The following TCAIM variants were observed in gnomAD, a reference collection of about 807,000 sequenced individuals.
TCAIM encodes the protein T cell activation inhibitor, mitochondrial.
Under a neutral mutation model 58.6 loss-of-function variants are expected in TCAIM, and 36 were observed. That is an observed-to-expected ratio of 0.61 (90% CI 0.47 to 0.81). TCAIM has a LOEUF of 0.81. Ranked by LOEUF, TCAIM falls within the 30% of genes least tolerant of loss-of-function variation. The pLI, the probability that TCAIM is intolerant of heterozygous loss-of-function variation, is 0.00. For missense variants in TCAIM, 466 were observed against 579.6 expected (o/e 0.80, Z 2.01); for synonymous variants, 172 against 193.6 (o/e 0.89, Z 0.93).
At chr3:44,391,429 AT>A (rs1335478248) in intron 5 of TCAIM, 3 of 152,164 alleles carry the variant, frequency 2.0e-5, no homozygotes, top group African/African-American at 7.2e-5. Context: ...TGACCTCATG[AT>A]CCACCCACCT....
intron 8 of TCAIM, among the ~76,000 whole-genome samples, chr3:44,398,786 G>A (rs1246997542): frequency 6.6e-6 from 1 of 152,190 alleles, no homozygotes; most frequent in Non-Finnish European, 1.5e-5. Context: ...TTTCTTCAGT[G>A]TGTGAATAGC....
intron 6 of TCAIM, among the ~76,000 whole-genome samples, chr3:44,394,700 C>A (rs953851174): frequency 2.0e-5 from 3 of 150,544 alleles, no homozygotes; most frequent in Admixed American, 6.6e-5. Context: ...TTGAGACCAG[C>A]CTGACCAACA....
intron 3 of TCAIM, among the ~76,000 whole-genome samples, chr3:44,360,690 C>T (rs750465948): frequency 6.6e-6 from 1 of 151,656 alleles, no homozygotes; most frequent in African/African-American, 2.4e-5. Flanking sequence ...ACTGCAGCCT[C>T]GAACTCCTGG....
At chr3:44,341,340 G>A (rs1307288728) in intron 1 of TCAIM, 1 of 152,150 alleles carries the variant, frequency 6.6e-6, no homozygotes, top group Non-Finnish European at 1.5e-5. Context: ...TTATTTTGAA[G>A]AGAGAAATGC....
intron 1 of TCAIM, among the ~76,000 whole-genome samples, chr3:44,346,262 CT>C (rs1343255838): frequency 6.6e-6 from 1 of 152,110 alleles, no homozygotes; most frequent in Non-Finnish European, 1.5e-5. Context: ...GGTGATTTGA[CT>C]AGTAAAGGCT....
intron 1 of TCAIM, among the ~76,000 whole-genome samples, chr3:44,350,198 G>A (rs1033490854): frequency 7.2e-5 from 11 of 152,132 alleles, no homozygotes; most frequent in African/African-American, 2.2e-4. Flanking sequence ...ACAGTCAAAC[G>A]GGGTTGTTCT....
At chr3:44,401,152 G>A (rs1405759675) in intron 9 of TCAIM, 51 bp from the exon 10 acceptor site, 1 of 1,590,884 alleles carries the variant, frequency 6.3e-7, no homozygotes, top group Non-Finnish European at 8.6e-7. Context: ...TTCTCTGGTG[G>A]GGGAGAGGAG....
intron 1 of TCAIM, among the ~76,000 whole-genome samples, chr3:44,353,029 TCTC>T: frequency 6.6e-6 from 1 of 150,870 alleles, no homozygotes; most frequent in Non-Finnish European, 1.5e-5. Flanking sequence ...TTCAAGCAAT[TCTC>T]CTGCCTCAGC....
intron 3 of TCAIM, chr3:44,358,331 GA>G: frequency 2.5e-6 from 2 of 784,846 alleles, no homozygotes; most frequent in Non-Finnish European, 2.2e-6. Flanking sequence ...AAACTGATAT[GA>G]AAAATGACTT....
At chr3:44,370,286 C>T (rs1701443512) in intron 5 of TCAIM, among the ~76,000 whole-genome samples, 1 of 151,926 alleles carries the variant, frequency 6.6e-6, no homozygotes, top group Non-Finnish European at 1.5e-5. Context: ...ACGGTGAAAC[C>T]CCGTCTCTAC....
At chr3:44,344,752 AAG>A (rs908017929) in intron 1 of TCAIM, among the ~76,000 whole-genome samples, 28 of 152,032 alleles carry the variant, frequency 1.8e-4, no homozygotes, top group Admixed American at 1.4e-3. Flanking sequence ...TGAGTCCAAA[AAG>A]AGAGCAGAGG....
intron 1 of TCAIM, among the ~76,000 whole-genome samples, chr3:44,350,018 A>G (rs1273846028): frequency 6.6e-6 from 1 of 151,966 alleles, no homozygotes; most frequent in Admixed American, 6.5e-5. Context: ...TCCGAGTCAT[A>G]GCACCAAATG....
intron 1 of TCAIM, among the ~76,000 whole-genome samples, chr3:44,349,541 G>A (rs1701042117): frequency 6.6e-6 from 1 of 151,946 alleles, no homozygotes; most frequent in Non-Finnish European, 1.5e-5. Context: ...GGAGAGAGGG[G>A]GATACTTACC....
intron 5 of TCAIM, among the ~76,000 whole-genome samples, chr3:44,380,538 A>C (rs1432240488): frequency 6.6e-6 from 1 of 152,168 alleles, no homozygotes; most frequent in Non-Finnish European, 1.5e-5. Flanking sequence ...ACATTTAAAA[A>C]CCAAGAAAGA....
chr3:44,381,059 T>C (rs1203323077), intron 5 of TCAIM, among the ~76,000 whole-genome samples: 1 of 152,106 alleles, frequency 6.6e-6, no homozygotes, highest in African/African-American at 2.4e-5. Context: ...TTAACAGCAA[T>C]ACTTCTCAAA....
At chr3:44,368,850 C>A (rs1575254441) in intron 5 of TCAIM, among the ~76,000 whole-genome samples, 1 of 152,224 alleles carries the variant, frequency 6.6e-6, no homozygotes, top group East Asian at 1.9e-4. Context: ...TAGTGAGACC[C>A]ATCTCTACAA....
intron 2 of TCAIM, among the ~76,000 whole-genome samples, chr3:44,356,354 C>A (rs181130481): frequency 6.6e-6 from 1 of 152,200 alleles, no homozygotes; most frequent in East Asian, 1.9e-4. Flanking sequence ...TGGCGAAACA[C>A]CGTCTCTACT....
At chr3:44,398,746 A>G (rs1232391878) in intron 8 of TCAIM, among the ~76,000 whole-genome samples, 1 of 152,230 alleles carries the variant, frequency 6.6e-6, no homozygotes, top group African/African-American at 2.4e-5. Context: ...ATGAATGTTT[A>G]TAATAGCCAA....
intron 3 of TCAIM, chr3:44,359,357 C>A (rs1012536121): frequency 2.6e-5 from 4 of 152,482 alleles, no homozygotes; most frequent in African/African-American, 9.6e-5. Flanking sequence ...GAAATGAGCT[C>A]TGAGCCCCTG....
Sources: allele counts gnomAD v4.1 joint callset (sites outside exome capture counted in the v4.1 genomes callset), GRCh38; gene constraint gnomAD v4.1.1; transcripts MANE v1.5; gene names NCBI Gene and HGNC (gene_info 2026-07-23, HGNC 2026-07-21).